SND1: variants seen among roughly 807,000 people sequenced by gnomAD.
SND1 encodes staphylococcal nuclease and tudor domain containing 1.
A neutral mutation model predicts 121.7 loss-of-function variants in SND1; 38 were observed. The observed-to-expected ratio is 0.31, with a 90% CI of 0.24 to 0.41. The LOEUF (loss-of-function observed/expected upper bound fraction) is 0.41, where lower values mean the gene tolerates loss of function less well. Ranked by LOEUF, SND1 falls within the 10% of genes least tolerant of loss-of-function variation. The pLI, the probability that SND1 is intolerant of heterozygous loss-of-function variation, is 1.00. For synonymous variants in SND1, 401 were observed against 447.4 expected (o/e 0.90, Z 1.31); for missense variants, 868 against 1,184.6 (o/e 0.73, Z 3.92).
At chr7:127,823,913 G>C (rs1040699247) in intron 11 of SND1, among the ~76,000 whole-genome samples, 1 of 152,184 alleles carries the variant, frequency 6.6e-6, no homozygotes, top group Non-Finnish European at 1.5e-5. Flanking sequence ...GATATTTAAA[G>C]TGAAAGAGAG....
chr7:128,032,793 C>G (rs1206364404), intron 16 of SND1, among the ~76,000 whole-genome samples: 3 of 152,162 alleles, frequency 2.0e-5, no homozygotes, highest in Non-Finnish European at 4.4e-5. Flanking sequence ...CCGCCAGCCC[C>G]TCCTTCGCTT....
chr7:127,939,682 C>T (rs981477092), intron 15 of SND1, among the ~76,000 whole-genome samples: 5 of 152,082 alleles, frequency 3.3e-5, no homozygotes, highest in African/African-American at 1.2e-4. Flanking sequence ...GTGTCATCGC[C>T]TTCTATGGAG....
intron 16 of SND1, among the ~76,000 whole-genome samples, chr7:128,035,017 T>C (rs1792721711): frequency 6.6e-6 from 1 of 152,224 alleles, no homozygotes; most frequent in East Asian, 1.9e-4. Context: ...TCAGATTGTT[T>C]TCACTTGCAG....
At chr7:127,936,754 C>A (rs1219445513) in intron 15 of SND1, among the ~76,000 whole-genome samples, 1 of 152,056 alleles carries the variant, frequency 6.6e-6, no homozygotes, top group Admixed American at 6.5e-5. Flanking sequence ...ACTGTGTTGC[C>A]CAGGCTGGTC....
chr7:127,752,115 A>G (rs1469996454), intron 10 of SND1, among the ~76,000 whole-genome samples: 3 of 151,992 alleles, frequency 2.0e-5, no homozygotes, highest in Non-Finnish European at 4.4e-5. Context: ...CATCTTTTCC[A>G]TTTTGTCACA....
At chr7:127,694,637 C>G in intron 2 of SND1, 191 bp from the exon 3 acceptor site, 1 of 580,538 alleles carries the variant, frequency 1.7e-6, no homozygotes, top group Non-Finnish European at 2.9e-6. Flanking sequence ...GCTGGACCCT[C>G]CTTTTTTTAT....
intron 1 of SND1, among the ~76,000 whole-genome samples, chr7:127,674,330 T>C (rs1463204352): frequency 6.6e-6 from 1 of 152,266 alleles, no homozygotes; most frequent in African/African-American, 2.4e-5. Context: ...TGTATCTCTC[T>C]ATTTTTATAT....
At chr7:128,091,704 G>A (rs1793783745) in intron 22 of SND1, 133 bp from the exon 23 acceptor site, 2 of 883,156 alleles carry the variant, frequency 2.3e-6, no homozygotes, top group South Asian at 2.7e-5. Flanking sequence ...TTTACTCTGA[G>A]GGAACTAAGG....
chr7:128,063,227 G>A (rs910395288), intron 16 of SND1, among the ~76,000 whole-genome samples: 2 of 152,170 alleles, frequency 1.3e-5, no homozygotes, highest in African/African-American at 2.4e-5. Flanking sequence ...GTGGGAGACC[G>A]GAGGGAGGCA....
Position 127,679,460 on chromosome 7 carries a change from A to T in SND1, c.79-7153A>T, listed in dbSNP as rs73450937. 3.3e-3 allele frequency among the ~76,000 whole-genome samples: 500 copies of T among 152,312 alleles called. 2 individuals carry two copies. Among genetic ancestry groups the T allele is most frequent in the African/African-American group, 0.011 (441 of 41,564 alleles). ...AATTTTTTTTTTAGATATAATTAAC[A>T]TACCATAAAGTTGACACTTTTAAAG... is the stretch of plus-strand genomic sequence containing the variant. On this transcript the variant is annotated intron_variant, in intron 1 of 23. Coordinates refer to ENST00000354725, the MANE Select transcript of SND1 (RefSeq NM_014390.4).
chr7:127,963,058 T>C (rs1801770247), intron 15 of SND1, among the ~76,000 whole-genome samples: 1 of 152,142 alleles, frequency 6.6e-6, no homozygotes, highest in African/African-American at 2.4e-5. Flanking sequence ...TTTGATCTAT[T>C]TTTCTCTAAG....
intron 10 of SND1, among the ~76,000 whole-genome samples, chr7:127,781,275 A>G (rs535039279): frequency 1.3e-5 from 2 of 152,200 alleles, no homozygotes; most frequent in African/African-American, 2.4e-5. Context: ...TTAGTTCACC[A>G]TAGAAGTAAT....
intron 16 of SND1, chr7:127,998,260 C>G (rs959956191): frequency 7.0e-6 from 2 of 287,442 alleles, no homozygotes; most frequent in African/African-American, 4.4e-5. Context: ...AGTATTAAGA[C>G]TGGACACATG....
intron 13 of SND1, among the ~76,000 whole-genome samples, chr7:127,891,424 A>T (rs572545523): frequency 1.2e-3 from 176 of 152,160 alleles, no homozygotes; most frequent in African/African-American, 4.1e-3. Flanking sequence ...TTCTCCTATG[A>T]ACATTCCCCA....
chr7:128,040,437 TAAAAAAAAAAAAAA>T lies in SND1; in HGVS notation c.1780-34049_1780-34036del, dbSNP rs67595921. On this transcript the variant is annotated intron_variant, in intron 16 of 23. Transcript: ENST00000354725. ...ATCAAACAGAGCAAGGTCCTATCTT[TAAAAAAAAAAAAAA>T]AAAAAAAAAAAAAAAGACATGGTTT... 2.1e-3 allele frequency among the ~76,000 whole-genome samples: 70 copies of T among 32,898 alleles called. 1 individual carries two copies. Among genetic ancestry groups the T allele is most frequent in the Admixed American group, 3.8e-3 (7 of 1,824 alleles). 21.6% of individuals were successfully genotyped at this position (32,898 alleles called of 152,430 possible).
intron 15 of SND1, among the ~76,000 whole-genome samples, chr7:127,985,349 T>G (rs1359219983): frequency 6.6e-6 from 1 of 152,198 alleles, no homozygotes; most frequent in Non-Finnish European, 1.5e-5. Context: ...CCTCCACTTC[T>G]GGAATTCAAG....
chr7:127,906,018 T>C (rs1435713673), intron 14 of SND1, among the ~76,000 whole-genome samples: 3 of 152,178 alleles, frequency 2.0e-5, no homozygotes, highest in Admixed American at 2.0e-4. Flanking sequence ...TTGCTACAAA[T>C]GTGTCTGGCA....
chr7:127,760,817 C>T (rs1797292421), intron 10 of SND1, among the ~76,000 whole-genome samples: 1 of 152,164 alleles, frequency 6.6e-6, no homozygotes, highest in African/African-American at 2.4e-5. Context: ...CTTACTCATG[C>T]CTTCAAGCAC....
chr7:128,088,104 G>A (rs916885709), intron 21 of SND1, among the ~76,000 whole-genome samples: 1 of 152,142 alleles, frequency 6.6e-6, no homozygotes, highest in Non-Finnish European at 1.5e-5. Flanking sequence ...GGTCAGGAGA[G>A]ATGCAACAGA....
Sources: allele counts gnomAD v4.1 joint callset (sites outside exome capture counted in the v4.1 genomes callset), GRCh38; gene constraint gnomAD v4.1.1; transcripts MANE v1.5; gene names NCBI Gene and HGNC (gene_info 2026-07-23, HGNC 2026-07-21).